LRRC49: variants seen among roughly 807,000 people sequenced by gnomAD.
The protein encoded by LRRC49 is leucine-rich repeat-containing protein 49.
In LRRC49, 50 loss-of-function variants were observed where a neutral mutation model predicts 83.3. The ratio of observed to expected loss-of-function variants is 0.60; its 90% CI spans 0.48 to 0.76. The LOEUF (loss-of-function observed/expected upper bound fraction) is 0.76, where lower values mean the gene tolerates loss of function less well. Among genes scored for constraint, LRRC49 ranks in the 30% least tolerant of loss-of-function variants. The pLI is 0.00. For synonymous variants in LRRC49, 286 were observed against 283.3 expected (o/e 1.01, Z -0.10); for missense variants, 704 against 809.1 (o/e 0.87, Z 1.58).
intron 4 of LRRC49, among the ~76,000 whole-genome samples, chr15:70,901,730 A>G (rs2034089423): frequency 6.6e-6 from 1 of 152,212 alleles, no homozygotes; most frequent in East Asian, 1.9e-4. Context: ...CTACTAGAAT[A>G]TATGTTCCAT....
At chr15:70,898,376 A>C (rs1446330729) in intron 3 of LRRC49, 1 of 696,502 alleles carries the variant, frequency 1.4e-6, no homozygotes, top group East Asian at 2.7e-5. Flanking sequence ...GATTTTACCA[A>C]GAATATAAAG....
At chr15:70,894,833 A>G (rs2033761674) in intron 2 of LRRC49, 1 of 200,616 alleles carries the variant, frequency 5.0e-6, no homozygotes, top group African/African-American at 2.3e-5. Context: ...TTATATATGA[A>G]TATGAAAATG....
intron 10 of LRRC49, among the ~76,000 whole-genome samples, chr15:70,980,627 G>T (rs577562458): frequency 2.7e-5 from 4 of 150,784 alleles, no homozygotes; most frequent in Admixed American, 2.6e-4. Context: ...ATATAGAAGT[G>T]ATAAAGATTT....
At chr15:70,969,941 C>T (rs531903143) in intron 9 of LRRC49, among the ~76,000 whole-genome samples, 4 of 152,154 alleles carry the variant, frequency 2.6e-5, no homozygotes, top group Non-Finnish European at 5.9e-5. Flanking sequence ...AATCTGACTC[C>T]TGTCTTCCTA....
At chr15:71,011,407 G>A (rs2038646713) in intron 13 of LRRC49, among the ~76,000 whole-genome samples, 1 of 152,066 alleles carries the variant, frequency 6.6e-6, no homozygotes, top group African/African-American at 2.4e-5. Flanking sequence ...TTTGAATCAG[G>A]AAGGAATAGT....
intron 15 of LRRC49, among the ~76,000 whole-genome samples, chr15:71,047,658 A>T (rs933687568): frequency 2.0e-5 from 3 of 152,134 alleles, no homozygotes; most frequent in African/African-American, 7.2e-5. Flanking sequence ...TCCTATTTAG[A>T]TGCTTTTTAA....
chr15:71,019,875 A>G (rs1306050856), intron 14 of LRRC49, among the ~76,000 whole-genome samples: 1 of 152,230 alleles, frequency 6.6e-6, no homozygotes, highest in Admixed American at 6.5e-5. Context: ...AAGAATCCTC[A>G]TGGCTAATTT....
At chr15:70,864,995 A>G (rs1187639840) in intron 1 of LRRC49, among the ~76,000 whole-genome samples, 1 of 152,194 alleles carries the variant, frequency 6.6e-6, no homozygotes, top group Non-Finnish European at 1.5e-5. Flanking sequence ...CCTAGAGTCA[A>G]CACCACCAGC....
At chr15:70,918,913 A>G in intron 6 of LRRC49, 137 bp from the exon 7 acceptor site, 1 of 620,682 alleles carries the variant, frequency 1.6e-6, no homozygotes, top group Non-Finnish European at 2.7e-6. Context: ...AGGAAATTGA[A>G]AATAGATTTT....
intron 1 of LRRC49, chr15:70,858,933 A>G: frequency 2.5e-6 from 2 of 789,010 alleles, no homozygotes; most frequent in Non-Finnish European, 4.6e-6. Flanking sequence ...GAGCCTGCTG[A>G]GCCCTCTTAA....
rs1371299181 is a variant in LRRC49 at position 70,860,103 on chromosome 15, A to G, written c.-299+6634A>G. On this transcript the variant is annotated intron_variant, in intron 1 of 16. Coordinates refer to the LRRC49 transcript ENST00000544974. ...GGCTCCACCAGGGCTGTGGTTGAAG[A>G]AGATTGAGACCCGTGATGGGAAGCT... The G allele has an allele frequency of 1.1e-5, 8 of 716,540 alleles. No individual in the cohort carries two copies. In the Admixed American group the frequency reaches 1.6e-4, roughly 14 times the overall value. 44.4% of individuals were successfully genotyped at this position (716,540 alleles called of 1,614,324 possible). A position where few individuals can be genotyped will look rare whatever the true frequency, so the allele number is the denominator to read the frequency against.
intron 15 of LRRC49, among the ~76,000 whole-genome samples, chr15:71,043,377 C>T (rs1204635714): frequency 6.6e-6 from 1 of 152,174 alleles, no homozygotes; most frequent in African/African-American, 2.4e-5. Context: ...TATAGTTTAT[C>T]TCATCAGAAT....
chr15:70,858,356 C>G (rs1180675013), intron 1 of LRRC49, among the ~76,000 whole-genome samples: 2 of 152,158 alleles, frequency 1.3e-5, no homozygotes. Flanking sequence ...AATCCCAGCA[C>G]TTTTGGAGGC....
chr15:70,858,760 C>A (rs1236878695), intron 1 of LRRC49: 1 of 1,151,226 alleles, frequency 8.7e-7, no homozygotes, highest in Non-Finnish European at 1.3e-6. Flanking sequence ...CCACCTCTGG[C>A]CCCCGGGCCT....
chr15:70,890,996 C>A (rs187510405), upstream of LRRC49, among the ~76,000 whole-genome samples: 5 of 152,146 alleles, frequency 3.3e-5, no homozygotes, highest in African/African-American at 1.2e-4. Flanking sequence ...TAAATACCCA[C>A]CCCAATGTAG....
intron 7 of LRRC49, among the ~76,000 whole-genome samples, chr15:70,921,301 TATGTAGAGGTGGTTA>T (rs2034995892): frequency 1.3e-5 from 2 of 152,168 alleles, no homozygotes; most frequent in African/African-American, 2.4e-5. Flanking sequence ...CTCTGATTCT[TATGTAGAGGTGGTTA>T]ATAATCTCTA....
At chr15:70,904,179 A>T (rs1276168153) in intron 4 of LRRC49, among the ~76,000 whole-genome samples, 1 of 152,158 alleles carries the variant, frequency 6.6e-6, no homozygotes, top group Non-Finnish European at 1.5e-5. Context: ...CGGTGGATTG[A>T]TGCCAAGGGC....
chr15:71,052,807 A>C lies in LRRC49; in HGVS notation c.*3195A>C. 1 of 152,350 alleles carries C rather than the reference A, an allele frequency of 6.6e-6. No individual in the cohort carries two copies. Among genetic ancestry groups the C allele is most frequent in the South Asian group, 2.1e-4 (1 of 4,822 alleles). The allele number at this position is 152,350 out of a possible 1,614,324, so 9.4% of individuals were successfully genotyped here. ...TTTCAACCAATAAATAGTAGACAGT[A>C]CCCACATTCACTGTTAGTCTTAAGG... On this transcript the variant is annotated 3_prime_UTR_variant, in exon 16 of 16. Transcript: ENST00000260382.
chr15:70,874,516 T>C (rs189502889), intron 2 of LRRC49, among the ~76,000 whole-genome samples: 6 of 152,302 alleles, frequency 3.9e-5, no homozygotes, highest in African/African-American at 7.2e-5. Flanking sequence ...TGGAAGAAGG[T>C]TGACAGTCTT....
Sources: gnomAD v4.1 joint callset for allele counts (sites outside exome capture counted in the v4.1 genomes callset) on GRCh38, gnomAD v4.1.1 for gene constraint, MANE v1.5 for transcripts, NCBI Gene and HGNC (gene_info 2026-07-23, HGNC 2026-07-21) for gene names.